Variants in EIF4G3 observed in about 807,000 individuals in gnomAD.
EIF4G3 encodes the protein eukaryotic translation initiation factor 4 gamma 3.
Under a neutral mutation model 186.4 loss-of-function variants are expected in EIF4G3, and 34 were observed. That is an observed-to-expected ratio of 0.18 (90% CI 0.14 to 0.24). The LOEUF (loss-of-function observed/expected upper bound fraction) is 0.24, where lower values mean the gene tolerates loss of function less well. EIF4G3 is among the 10% of genes least tolerant of loss of function. EIF4G3 has a pLI of 1.00. For synonymous variants in EIF4G3, 673 were observed against 679.5 expected (o/e 0.99, Z 0.15); for missense variants, 1,536 against 1,948.5 (o/e 0.79, Z 3.99).
intron 2 of EIF4G3, among the ~76,000 whole-genome samples, chr1:21,171,820 A>G (rs1043817439): frequency 2.6e-5 from 4 of 152,214 alleles, no homozygotes; most frequent in African/African-American, 9.7e-5. Flanking sequence ...TACTACAATG[A>G]AAGAGCCAAA....
chr1:21,172,567 T>C (rs879426077), intron 2 of EIF4G3, among the ~76,000 whole-genome samples: 11 of 152,116 alleles, frequency 7.2e-5, no homozygotes, highest in African/African-American at 1.7e-4. Flanking sequence ...TATTTATTTA[T>C]TGAGATGGAG....
chr1:20,932,530 T>C (rs943740029), intron 14 of EIF4G3, among the ~76,000 whole-genome samples: 1 of 152,136 alleles, frequency 6.6e-6, no homozygotes, highest in Non-Finnish European at 1.5e-5. Flanking sequence ...GACTCTTCCT[T>C]TCACTTGAAC....
At chr1:21,078,076 A>G (rs2095644892) in intron 3 of EIF4G3, among the ~76,000 whole-genome samples, 2 of 152,168 alleles carry the variant, frequency 1.3e-5, no homozygotes, top group Non-Finnish European at 2.9e-5. Flanking sequence ...AAAGGAAATC[A>G]GTGCATTAAA....
At chr1:21,143,697 T>C (rs1399784912) in intron 2 of EIF4G3, among the ~76,000 whole-genome samples, 1 of 152,174 alleles carries the variant, frequency 6.6e-6, no homozygotes, top group Non-Finnish European at 1.5e-5. Context: ...GGTGGGCAAA[T>C]CACTTGAGGC....
intron 10 of EIF4G3, among the ~76,000 whole-genome samples, chr1:20,974,854 A>C (rs2076536348): frequency 6.6e-6 from 1 of 152,170 alleles, no homozygotes; most frequent in Non-Finnish European, 1.5e-5. Flanking sequence ...CTTTCCATAG[A>C]ACATGGATAA....
Position 21,059,741 on chromosome 1 carries a change from T to C in EIF4G3, c.-195-8747A>G, listed in dbSNP as rs111852681. The stretch of plus-strand genomic sequence containing the variant: ...AACACATACCATGTATGTTCTACTA[T>C]GGACTTTGTCAGCACTGGGTTTAAT... On this transcript the variant is annotated intron_variant, in intron 3 of 36. Transcript: ENST00000602326. 6.9e-3 allele frequency among the ~76,000 whole-genome samples: 1,048 copies of C among 152,332 alleles called. 9 individuals carry two copies. Among genetic ancestry groups the C allele is most frequent in the African/African-American group, 0.024 (1,004 of 41,570 alleles).
chr1:20,952,397 G>A (rs181695311), intron 12 of EIF4G3, among the ~76,000 whole-genome samples: 34 of 152,130 alleles, frequency 2.2e-4, no homozygotes, highest in African/African-American at 6.5e-4. Context: ...CTTGTGATCC[G>A]CCTACCTTGA....
chr1:21,069,297 A>G (rs1038169170), intron 3 of EIF4G3, among the ~76,000 whole-genome samples: 1 of 152,180 alleles, frequency 6.6e-6, no homozygotes, highest in African/African-American at 2.4e-5. Flanking sequence ...GCTTAATGAG[A>G]ACCCAGAAAA....
At chr1:21,051,078 T>C in intron 3 of EIF4G3, 84 bp from the exon 4 acceptor site, 1 of 692,942 alleles carries the variant, frequency 1.4e-6, no homozygotes, top group Non-Finnish European at 2.7e-6. Flanking sequence ...GATTTTTAAT[T>C]GGATTTCCTA....
chr1:20,897,330 C>A (rs572815976), intron 16 of EIF4G3, among the ~76,000 whole-genome samples: 1 of 150,718 alleles, frequency 6.6e-6, no homozygotes. Flanking sequence ...ACTTAAATAA[C>A]TAAGAAATAA....
At chr1:20,955,999 T>C (rs1230971191) in intron 12 of EIF4G3, among the ~76,000 whole-genome samples, 1 of 152,116 alleles carries the variant, frequency 6.6e-6, no homozygotes, top group Non-Finnish European at 1.5e-5. Context: ...ATATATGACA[T>C]GCCATAACAA....
intron 4 of EIF4G3, among the ~76,000 whole-genome samples, chr1:21,023,238 TCC>T (rs1557570010): frequency 2.2e-4 from 5 of 22,770 alleles, no homozygotes; most frequent in African/African-American, 8.7e-4. Flanking sequence ...TCCCTCCCCC[TCC>T]CCTCCCCCTC....
At chr1:21,088,990 G>A in intron 3 of EIF4G3, 148 bp downstream of exon 3, 1 of 595,564 alleles carries the variant, frequency 1.7e-6, no homozygotes, top group Admixed American at 3.1e-5. Context: ...AAGATGATAT[G>A]GAAAGGGCCT....
At chr1:21,176,692 C>T in intron 1 of EIF4G3, 30 bp downstream of exon 1, 1 of 618,986 alleles carries the variant, frequency 1.6e-6, no homozygotes, top group Non-Finnish European at 2.9e-6. Flanking sequence ...GGGCCGGACC[C>T]GGCGGGGGCA....
chr1:21,092,865 A>T (rs938809631), intron 2 of EIF4G3, among the ~76,000 whole-genome samples: 2 of 152,234 alleles, frequency 1.3e-5, no homozygotes, highest in Non-Finnish European at 2.9e-5. Flanking sequence ...TTCCCTATTT[A>T]ATAAACGGTG....
chr1:21,165,775 T>G (rs1036708028), intron 2 of EIF4G3, among the ~76,000 whole-genome samples: 2 of 152,046 alleles, frequency 1.3e-5, no homozygotes, highest in East Asian at 3.9e-4. Flanking sequence ...TCTCAACTGG[T>G]TTTGAATATA....
At chr1:21,067,134 T>TC (rs1557797435) in intron 3 of EIF4G3, among the ~76,000 whole-genome samples, 2 of 148,204 alleles carry the variant, frequency 1.3e-5, no homozygotes, top group South Asian at 2.1e-4. Flanking sequence ...TTCTTTTCTT[T>TC]TTTTTTTTTT....
chr1:20,962,869 T>G (rs2073684909), intron 12 of EIF4G3, among the ~76,000 whole-genome samples: 1 of 152,006 alleles, frequency 6.6e-6, no homozygotes, highest in African/African-American at 2.4e-5. Context: ...TACAGTTAAT[T>G]TTATGAAGTT....
intron 33 of EIF4G3, among the ~76,000 whole-genome samples, chr1:20,820,741 G>C (rs2062139757): frequency 6.6e-6 from 1 of 152,172 alleles, no homozygotes; most frequent in Non-Finnish European, 1.5e-5. Flanking sequence ...AAAGAGGGTA[G>C]AGAGACGATT....
Sources: allele counts gnomAD v4.1 joint callset (sites outside exome capture counted in the v4.1 genomes callset), GRCh38; gene constraint gnomAD v4.1.1; transcripts MANE v1.5; gene names NCBI Gene and HGNC (gene_info 2026-07-23, HGNC 2026-07-21).